Variants in STAU2 observed in about 807,000 individuals in gnomAD.
The protein encoded by STAU2 is staufen double-stranded RNA binding protein 2, also known as double-stranded RNA-binding protein Staufen homolog 2.
In STAU2, 20 loss-of-function variants were observed where a neutral mutation model predicts 65.9. The ratio of observed to expected loss-of-function variants is 0.30; its 90% CI spans 0.21 to 0.44. The LOEUF is 0.44. Ranked by LOEUF, STAU2 falls within the 20% of genes least tolerant of loss-of-function variation. STAU2 has a pLI of 1.00. For synonymous variants in STAU2, 232 were observed against 233.9 expected (o/e 0.99, Z 0.07); for missense variants, 558 against 683.9 (o/e 0.82, Z 2.05).
chr8:73,640,882 C>A (rs1189240847), intron 6 of STAU2, among the ~76,000 whole-genome samples: 1 of 152,044 alleles, frequency 6.6e-6, no homozygotes, highest in Non-Finnish European at 1.5e-5. Context: ...ACAGTATAAT[C>A]TGCCAAAATA....
chr8:73,738,033 G>A (rs1405756803), intron 3 of STAU2, among the ~76,000 whole-genome samples: 5 of 152,064 alleles, frequency 3.3e-5, no homozygotes, highest in Non-Finnish European at 7.4e-5. Context: ...GTCCTAAAGG[G>A]ATGTGACATC....
At chr8:73,607,073 T>C (rs1812074861) in intron 9 of STAU2, among the ~76,000 whole-genome samples, 2 of 152,240 alleles carry the variant, frequency 1.3e-5, no homozygotes, top group African/African-American at 4.8e-5. Flanking sequence ...ATGGTGGTTA[T>C]AGTTTTACAC....
chr8:73,429,413 CTTTTTTT>C (rs71561522), intron 13 of STAU2, among the ~76,000 whole-genome samples: 6 of 65,310 alleles, frequency 9.2e-5, no homozygotes, highest in African/African-American at 2.2e-4. Context: ...TTGCTCAGGT[CTTTTTTT>C]TTTTTTTTTT....
intron 5 of STAU2, among the ~76,000 whole-genome samples, chr8:73,687,305 A>T (rs11994711): frequency 9.3e-5 from 6 of 64,650 alleles, no homozygotes; most frequent in African/African-American, 1.9e-4. Context: ...TATATTTATA[A>T]ATATAATTTA....
At chr8:73,645,300 A>C (rs960922839) in intron 6 of STAU2, among the ~76,000 whole-genome samples, 1 of 152,234 alleles carries the variant, frequency 6.6e-6, no homozygotes, top group Admixed American at 6.5e-5. Flanking sequence ...TTAAAATTCA[A>C]TCAATGTAAT....
At chr8:73,722,272 A>G (rs137865453) in intron 3 of STAU2, among the ~76,000 whole-genome samples, 47 of 152,270 alleles carry the variant, frequency 3.1e-4, no homozygotes, top group African/African-American at 1.1e-3. Flanking sequence ...TTTTGCTTTA[A>G]GCAGTCACTT....
At chr8:73,547,994 A>G (rs1807057177) in intron 13 of STAU2, among the ~76,000 whole-genome samples, 2 of 85,222 alleles carry the variant, frequency 2.3e-5, no homozygotes. Flanking sequence ...GCATCTAGAC[A>G]TGATTTAAAG....
At chr8:73,737,436 G>A (rs559657557) in intron 3 of STAU2, among the ~76,000 whole-genome samples, 2 of 152,300 alleles carry the variant, frequency 1.3e-5, no homozygotes, top group African/African-American at 4.8e-5. Flanking sequence ...CTCCCAAAGT[G>A]CTGGGATTAC....
At chr8:73,441,077 T>C (rs981824013) in intron 13 of STAU2, 1 of 152,306 alleles carries the variant, frequency 6.6e-6, no homozygotes, top group African/African-American at 2.4e-5. Flanking sequence ...GTCCCCTCCT[T>C]GTGACCCCTG....
At chr8:73,505,947 C>T (rs1252602545) in intron 13 of STAU2, among the ~76,000 whole-genome samples, 1 of 152,082 alleles carries the variant, frequency 6.6e-6, no homozygotes, top group African/African-American at 2.4e-5. Context: ...CCTCCTCCCT[C>T]TCTCTCTTGT....
At position 73,548,253 on chromosome 8, in the gene STAU2, T is replaced by TAAA. The variant is rs761335258; in HGVS notation, c.1530+3756_1530+3758dup. Among the ~76,000 whole-genome samples, 2 of 130,730 alleles carry TAAA rather than the reference T, an allele frequency of 1.5e-5. 1 individual carries two copies. Among genetic ancestry groups the TAAA allele is most frequent in the South Asian group, 4.9e-4 (2 of 4,104 alleles). 85.8% of individuals were successfully genotyped at this position (130,730 alleles called of 152,430 possible). ...CCTAACAAAAATGAATACCTTATTC[T>TAAA]AAAAAAAAAAAAAAAGCTGCTGCAA... On this transcript the variant is annotated intron_variant, in intron 13 of 14. Transcript: ENST00000524300.
intron 3 of STAU2, among the ~76,000 whole-genome samples, chr8:73,734,211 T>G (rs985156796): frequency 3.4e-5 from 5 of 148,408 alleles, no homozygotes; most frequent in Non-Finnish European, 4.4e-5. Context: ...TTGTGATTTT[T>G]TTTGTTTGTT....
At chr8:73,617,558 T>A in intron 6 of STAU2, 107 bp from the exon 7 acceptor site, 2 of 1,115,482 alleles carry the variant, frequency 1.8e-6, no homozygotes, top group South Asian at 1.6e-5. Context: ...GCTATACTCT[T>A]AATAAAACTT....
chr8:73,509,164 T>C (rs1426397260), intron 13 of STAU2, among the ~76,000 whole-genome samples: 1 of 152,214 alleles, frequency 6.6e-6, no homozygotes, highest in Non-Finnish European at 1.5e-5. Context: ...ACATTTATTA[T>C]GGTCTTTTTG....
intron 6 of STAU2, among the ~76,000 whole-genome samples, chr8:73,647,562 T>A (rs1328717549): frequency 6.6e-6 from 1 of 151,104 alleles, no homozygotes; most frequent in African/African-American, 2.4e-5. Flanking sequence ...AGCTTTGTGG[T>A]GACAGAATAA....
At chr8:73,421,734 T>G (rs1442553848) in intron 14 of STAU2, among the ~76,000 whole-genome samples, 4 of 152,258 alleles carry the variant, frequency 2.6e-5, no homozygotes, top group African/African-American at 9.6e-5. Context: ...TCTCACCTTC[T>G]AAATATTAAC....
At chr8:73,699,022 A>G (rs1244845942) in intron 4 of STAU2, among the ~76,000 whole-genome samples, 2 of 152,110 alleles carry the variant, frequency 1.3e-5, no homozygotes, top group African/African-American at 4.8e-5. Context: ...AAAACTACAA[A>G]TCAATAACAA....
intron 9 of STAU2, among the ~76,000 whole-genome samples, chr8:73,611,980 G>C (rs1812506585): frequency 6.6e-6 from 1 of 152,164 alleles, no homozygotes; most frequent in Non-Finnish European, 1.5e-5. Context: ...ACCGTGCCCA[G>C]CCTGGTTTGC....
rs191244948 is a variant in STAU2, at chr8:73,581,036, T to C, written c.1222+1734A>G. On this transcript the variant is annotated intron_variant, in intron 12 of 14. Coordinates refer to ENST00000524300, the MANE Select transcript of STAU2 (RefSeq NM_001164380.2). Reference sequence around the variant, plus strand: ...CAAACCCGTTATGCATTCTTACACATTTCTGATCACTTAAACTCACTGGCC... The same window carrying C: ...CAAACCCGTTATGCATTCTTACACACTTCTGATCACTTAAACTCACTGGCC... Among the ~76,000 whole-genome samples the C allele has an allele frequency of 1.2e-3, 181 of 152,310 alleles. 1 individual carries two copies. The highest frequency in any genetic ancestry group is 9.1e-3 in the South Asian group (44 of 4,826).
Sources: allele counts gnomAD v4.1 joint callset (sites outside exome capture counted in the v4.1 genomes callset), GRCh38; gene constraint gnomAD v4.1.1; transcripts MANE v1.5; gene names NCBI Gene and HGNC (gene_info 2026-07-23, HGNC 2026-07-21).